The following NR3C2 variants were observed in gnomAD, a reference collection of about 807,000 sequenced individuals.
NR3C2 encodes mineralocorticoid receptor.
A neutral mutation model predicts 86.4 loss-of-function variants in NR3C2; 15 were observed. The ratio of observed to expected loss-of-function variants is 0.17; its 90% CI spans 0.12 to 0.27. NR3C2 has a LOEUF of 0.27. NR3C2 is among the 10% of genes least tolerant of loss of function. The pLI, the probability that NR3C2 is intolerant of heterozygous loss-of-function variation, is 1.00. For missense variants in NR3C2, 960 were observed against 1,195.6 expected, an observed-to-expected ratio of 0.80 and a Z score of 2.91; for synonymous variants, 458 against 450.5, an observed-to-expected ratio of 1.02 and a Z score of -0.21.
intron 2 of NR3C2, among the ~76,000 whole-genome samples, chr4:148,277,279 G>A (rs1741005775): frequency 6.6e-6 from 1 of 152,178 alleles, no homozygotes; most frequent in Non-Finnish European, 1.5e-5. Flanking sequence ...AATACCTGAA[G>A]AGGATATTCA....
chr4:148,355,717 A>G (rs1745520292), intron 2 of NR3C2, among the ~76,000 whole-genome samples: 1 of 152,224 alleles, frequency 6.6e-6, no homozygotes, highest in Non-Finnish European at 1.5e-5. Flanking sequence ...TAAAGCTAGG[A>G]GGTCCACTAT....
At chr4:148,174,201 A>C (rs1430334533) in intron 4 of NR3C2, among the ~76,000 whole-genome samples, 1 of 152,234 alleles carries the variant, frequency 6.6e-6, no homozygotes, top group Non-Finnish European at 1.5e-5. Flanking sequence ...GAGTAAATAA[A>C]GCAAATAAAG....
At chr4:148,362,095 AC>A (rs1745867070) in intron 2 of NR3C2, among the ~76,000 whole-genome samples, 2 of 152,180 alleles carry the variant, frequency 1.3e-5, no homozygotes, top group Non-Finnish European at 1.5e-5. Flanking sequence ...GCCTCAGGCC[AC>A]CCATAGTGCT....
At chr4:148,189,201 T>C (rs766305927) in intron 4 of NR3C2, among the ~76,000 whole-genome samples, 2 of 152,194 alleles carry the variant, frequency 1.3e-5, no homozygotes, top group Non-Finnish European at 2.9e-5. Context: ...AGTGTTGGCA[T>C]TACAGGCATG....
At position 148,194,781 on chromosome 4, in the gene NR3C2, A is replaced by G; in HGVS notation, c.1979T>C (p.Leu660Pro). 6.2e-7 allele frequency: 1 copy of G among 1,611,958 alleles called. No individual in the cohort carries two copies. Among genetic ancestry groups the G allele is most frequent in the Non-Finnish European group, 8.5e-7 (1 of 1,179,500 alleles). The change falls in exon 4 of 9, where the codon CTT (leucine) becomes CCT (proline). Residue 660 changes from leucine to proline, a missense_variant. By Grantham distance (98) the Leu-to-Pro change is moderately conservative. Around this residue, in one of 4 missense-constraint regions of NR3C2, gnomAD observed 47 missense variants for 107.3 expected, o/e 0.44. Transcript: ENST00000358102. ...CATTCCAGCTTGAAGACATTTCTGA[A>G]GTCTGCAAGCAGGACAATTCTTTCG... ...IRRKNCPACR[L>P]QKCLQAGMNL...
chr4:148,197,576 A>G (rs1002274957), intron 3 of NR3C2, among the ~76,000 whole-genome samples: 2 of 152,168 alleles, frequency 1.3e-5, no homozygotes, highest in African/African-American at 4.8e-5. Context: ...ACACATTGGA[A>G]GATTTTCTTC....
chr4:148,185,936 G>C (rs1054897452), intron 4 of NR3C2, among the ~76,000 whole-genome samples: 1 of 152,034 alleles, frequency 6.6e-6, no homozygotes, highest in African/African-American at 2.4e-5. Context: ...ATTTAATGTA[G>C]AGATCATTTC....
chr4:148,384,010 C>T (rs1017407675), intron 2 of NR3C2, among the ~76,000 whole-genome samples: 1 of 148,764 alleles, frequency 6.7e-6, no homozygotes, highest in Admixed American at 6.7e-5. Context: ...AGGAACTACA[C>T]ATTTAGTAAA....
chr4:148,386,092 G>C (rs1489641371), intron 2 of NR3C2, among the ~76,000 whole-genome samples: 2 of 152,118 alleles, frequency 1.3e-5, no homozygotes, highest in Non-Finnish European at 2.9e-5. Context: ...ATTGGTGTGT[G>C]CAAGATGGAA....
intron 2 of NR3C2, among the ~76,000 whole-genome samples, chr4:148,421,117 T>C (rs549320839): frequency 6.6e-6 from 1 of 152,342 alleles, no homozygotes; most frequent in African/African-American, 2.4e-5. Flanking sequence ...ACAGAGCACA[T>C]ATATGACACT....
chr4:148,284,033 G>T (rs952129656), intron 2 of NR3C2, among the ~76,000 whole-genome samples: 1 of 152,120 alleles, frequency 6.6e-6, no homozygotes, highest in African/African-American at 2.4e-5. Flanking sequence ...TTGTCCCACG[G>T]GAGAGATAAG....
At chr4:148,124,501 C>G (rs1323630800) in intron 6 of NR3C2, among the ~76,000 whole-genome samples, 1 of 152,078 alleles carries the variant, frequency 6.6e-6, no homozygotes, top group African/African-American at 2.4e-5. Context: ...TCTTTGGTAG[C>G]TTTAAAATTT....
chr4:148,371,654 C>T (rs1446244987), intron 2 of NR3C2, among the ~76,000 whole-genome samples: 3 of 151,826 alleles, frequency 2.0e-5, no homozygotes, highest in Admixed American at 2.0e-4. Context: ...TCAAAAGCAC[C>T]CGAAATTTGA....
intron 2 of NR3C2, among the ~76,000 whole-genome samples, chr4:148,263,270 C>A (rs1047515159): frequency 2.0e-5 from 3 of 152,186 alleles, no homozygotes; most frequent in African/African-American, 7.2e-5. Flanking sequence ...TATTTACTTT[C>A]TTTCTCCAGA....
At chr4:148,269,214 G>A (rs1037947524) in intron 2 of NR3C2, among the ~76,000 whole-genome samples, 3 of 152,136 alleles carry the variant, frequency 2.0e-5, no homozygotes, top group Non-Finnish European at 4.4e-5. Flanking sequence ...TCCAAGTGGG[G>A]GAGCAAGATA....
chr4:148,324,089 A>G (rs956346771), intron 2 of NR3C2, among the ~76,000 whole-genome samples: 1 of 152,096 alleles, frequency 6.6e-6, no homozygotes, highest in African/African-American at 2.4e-5. Context: ...TACCACCATC[A>G]CATTATCTTC....
intron 3 of NR3C2, among the ~76,000 whole-genome samples, chr4:148,204,495 A>G (rs1736902059): frequency 6.6e-6 from 1 of 152,180 alleles, no homozygotes; most frequent in Non-Finnish European, 1.5e-5. Flanking sequence ...GAGTCCTATG[A>G]GATTGGTCAT....
chr4:148,166,923 G>T (rs934057764), intron 4 of NR3C2, among the ~76,000 whole-genome samples: 1 of 152,064 alleles, frequency 6.6e-6, no homozygotes, highest in Non-Finnish European at 1.5e-5. Flanking sequence ...ACTGGGGGCT[G>T]CAATTCACAT....
At chr4:148,442,574 A>C, upstream of NR3C2, 1 of 891,730 alleles carries the variant, frequency 1.1e-6, no homozygotes, top group South Asian at 5.2e-5. Context: ...GCCCCCCTGA[A>C]CCCTTCCTAT....
Sources: gnomAD v4.1 joint callset for allele counts (sites outside exome capture counted in the v4.1 genomes callset) on GRCh38, gnomAD v4.1.1 for gene constraint, gnomAD v4.1.1 regional missense constraint, MANE v1.5 for transcripts, NCBI Gene and HGNC (gene_info 2026-07-23, HGNC 2026-07-21) for gene names.